Variants in RPS6KA2 observed in about 807,000 individuals in gnomAD.
RPS6KA2 encodes ribosomal protein S6 kinase A2, also known as ribosomal protein S6 kinase alpha-2.
A neutral mutation model predicts 91.8 loss-of-function variants in RPS6KA2; 42 were observed. That is an observed-to-expected ratio of 0.46 (90% CI 0.36 to 0.59). RPS6KA2 has a LOEUF of 0.59. Among genes scored for constraint, RPS6KA2 ranks in the 20% least tolerant of loss-of-function variants. The pLI is 0.00. For synonymous variants in RPS6KA2, 414 were observed against 393.6 expected (o/e 1.05, Z -0.61); for missense variants, 798 against 978.5 (o/e 0.82, Z 2.46).
At chr6:166,694,954 C>T (rs995636486) in intron 2 of RPS6KA2, among the ~76,000 whole-genome samples, 1 of 152,156 alleles carries the variant, frequency 6.6e-6, no homozygotes, top group Non-Finnish European at 1.5e-5. Context: ...CTTGTAATAT[C>T]CATTTATTCA....
At chr6:166,515,862 C>T (rs1274435467) in intron 3 of RPS6KA2, among the ~76,000 whole-genome samples, 3 of 152,190 alleles carry the variant, frequency 2.0e-5, no homozygotes, top group Non-Finnish European at 4.4e-5. Context: ...CTGATTGCCT[C>T]CTTTGGAGAG....
At chr6:166,518,413 A>G (rs1583232279) in intron 3 of RPS6KA2, among the ~76,000 whole-genome samples, 1 of 152,176 alleles carries the variant, frequency 6.6e-6, no homozygotes, top group African/African-American at 2.4e-5. Context: ...ATTCAAAAAG[A>G]TTATAAAATT....
chr6:166,454,654 GC>G (rs1355912599), intron 12 of RPS6KA2, among the ~76,000 whole-genome samples: 30 of 152,050 alleles, frequency 2.0e-4, no homozygotes, highest in Admixed American at 1.8e-3. Context: ...GTCAACAGTG[GC>G]CCATCTGTAT....
rs185886025 is a variant in RPS6KA2, at chr6:166,594,713, C to T, written c.99+32208G>A. 8.0e-3 allele frequency among the ~76,000 whole-genome samples: 1,224 copies of T among 152,222 alleles called. 21 individuals are homozygous for T. Among genetic ancestry groups the T allele is most frequent in the African/African-American group, 0.028 (1,159 of 41,540 alleles). On this transcript the variant is annotated intron_variant, in intron 1 of 20. Coordinates refer to ENST00000265678, the MANE Select transcript of RPS6KA2 (RefSeq NM_021135.6). ...TCCTGACCTCGTGATCCGCCCGCCTCGGCCTCCCAAAGTGCTGGGATTACA... is the reference window on the plus strand; with the variant it reads ...TCCTGACCTCGTGATCCGCCCGCCTTGGCCTCCCAAAGTGCTGGGATTACA...
At chr6:166,532,756 C>T (rs1384360962) in intron 2 of RPS6KA2, among the ~76,000 whole-genome samples, 1 of 152,162 alleles carries the variant, frequency 6.6e-6, no homozygotes, top group Non-Finnish European at 1.5e-5. Context: ...AGAGGCTTCC[C>T]TCTTCCCCTG....
intron 2 of RPS6KA2, among the ~76,000 whole-genome samples, chr6:166,808,804 G>T (rs993299965): frequency 1.3e-5 from 2 of 152,152 alleles, no homozygotes; most frequent in African/African-American, 4.8e-5. Flanking sequence ...TCCCCAAATT[G>T]TCTACAAATT....
At chr6:166,439,450 A>C (rs1001514387) in intron 14 of RPS6KA2, among the ~76,000 whole-genome samples, 1 of 152,194 alleles carries the variant, frequency 6.6e-6, no homozygotes, top group African/African-American at 2.4e-5. Flanking sequence ...TCACTACCAA[A>C]TATTTATGCT....
intron 2 of RPS6KA2, among the ~76,000 whole-genome samples, chr6:166,673,378 G>T (rs1330685898): frequency 1.3e-5 from 2 of 152,210 alleles, no homozygotes; most frequent in Non-Finnish European, 2.9e-5. Context: ...CCATAAGGGG[G>T]TGCCCAGGAC....
intron 2 of RPS6KA2, among the ~76,000 whole-genome samples, chr6:166,710,391 A>T: frequency 6.6e-6 from 1 of 151,970 alleles, no homozygotes. Flanking sequence ...TCTTTGATAT[A>T]TTTTTTTGTA....
At chr6:166,658,989 T>G (rs944583427) in intron 2 of RPS6KA2, among the ~76,000 whole-genome samples, 1 of 152,104 alleles carries the variant, frequency 6.6e-6, no homozygotes, top group Non-Finnish European at 1.5e-5. Flanking sequence ...ATCCACAGGC[T>G]TCCCCAGAAT....
intron 2 of RPS6KA2, among the ~76,000 whole-genome samples, chr6:166,657,781 T>C (rs143516339): frequency 8.5e-5 from 13 of 152,350 alleles, no homozygotes; most frequent in Non-Finnish European, 1.8e-4. Flanking sequence ...GGGCGAGTTC[T>C]GCTTTTGAGG....
intron 10 of RPS6KA2, among the ~76,000 whole-genome samples, chr6:166,475,085 C>T (rs1044641801): frequency 1.3e-5 from 2 of 152,290 alleles, no homozygotes; most frequent in South Asian, 2.1e-4. Flanking sequence ...GCGTTTTCCT[C>T]GCACAGACAA....
rs1042076545 is a variant in RPS6KA2 at position 166,635,415 on chromosome 6, C to T, written c.124-96631G>A. 9.2e-5 allele frequency among the ~76,000 whole-genome samples: 14 copies of T among 152,338 alleles called. No homozygotes were observed. The highest frequency in any genetic ancestry group is 2.0e-4 in the Admixed American group (3 of 15,306). On this transcript the variant is annotated intron_variant, in intron 2 of 21. Transcript: ENST00000503859. This position sits in a 1 kb window ranked among gnomAD's most constrained non-coding sequence, Gnocchi z 4.8. The stretch of plus-strand genomic sequence containing the variant: ...GCTTTAGAGGGGAGAGAAAGCCCTA[C>T]GGGAGCCCCCAGAGGAGCCCTTAGT...
At chr6:166,839,680 C>CAGGGCAGGGGAGGGG (rs1562465693) in intron 2 of RPS6KA2, among the ~76,000 whole-genome samples, 3 of 706 alleles carry the variant, frequency 4.2e-3, no homozygotes, top group Non-Finnish European at 8.6e-3. Flanking sequence ...GAAATCAGAG[C>CAGGGCAGGGGAGGGG]AGGAGAGGAG....
chr6:166,812,914 G>A (rs563410783), intron 2 of RPS6KA2, among the ~76,000 whole-genome samples: 105 of 152,166 alleles, frequency 6.9e-4, no homozygotes, highest in Middle Eastern at 3.4e-3. Context: ...TATAGAAATC[G>A]GGAAACTCTC....
chr6:166,470,017 G>C (rs533645862), intron 10 of RPS6KA2, 112 bp from the exon 11 acceptor site: 9 of 941,998 alleles, frequency 9.6e-6, no homozygotes, highest in Non-Finnish European at 1.4e-5. Context: ...GCCGTGGGAA[G>C]GAGCCCAGAG....
At chr6:166,705,718 A>G (rs1789663456) in intron 2 of RPS6KA2, among the ~76,000 whole-genome samples, 1 of 152,226 alleles carries the variant, frequency 6.6e-6, no homozygotes, top group African/African-American at 2.4e-5. Context: ...AGACACTCCA[A>G]CAGAATAGAG....
intron 2 of RPS6KA2, among the ~76,000 whole-genome samples, chr6:166,802,465 T>C (rs147260702): frequency 1.3e-5 from 2 of 152,286 alleles, no homozygotes; most frequent in East Asian, 3.9e-4. Context: ...TCTTATGTGC[T>C]CAGAATGAGT....
exon 1 of RPS6KA2, chr6:166,862,164 T>C (rs762194947): frequency 1.7e-5 from 28 of 1,614,222 alleles, no homozygotes; most frequent in Non-Finnish European, 2.4e-5. Flanking sequence ...AACTGTGCGA[T>C]TGGCATTTTT....
Sources: allele counts gnomAD v4.1 joint callset (sites outside exome capture counted in the v4.1 genomes callset), GRCh38; gene constraint gnomAD v4.1.1; non-coding constraint Gnocchi (gnomAD v3.1); transcripts MANE v1.5; gene names NCBI Gene and HGNC (gene_info 2026-07-23, HGNC 2026-07-21).